Variants in ADAMTS17 observed in about 807,000 individuals in gnomAD.
ADAMTS17 encodes the protein A disintegrin and metalloproteinase with thrombospondin motifs 17.
Under a neutral mutation model 141.5 loss-of-function variants are expected in ADAMTS17, and 113 were observed. That is an observed-to-expected ratio of 0.80 (90% confidence interval 0.69 to 0.93). The LOEUF (loss-of-function observed/expected upper bound fraction) is 0.93. ADAMTS17 is among the 40% of genes least tolerant of loss of function. The probability of loss-of-function intolerance (pLI) is 0.00; values close to 1 mark genes in which losing one functional copy is unlikely to be tolerated. For synonymous variants in ADAMTS17, 768 were observed against 630.6 expected (o/e 1.22, Z -3.27); for missense variants, 1,659 against 1,517.9 (o/e 1.09, Z -1.54).
chr15:100,201,823 T>A lies in ADAMTS17; in HGVS notation c.1076-2400A>T, dbSNP rs4516211. ...TTTCTCGGTGCCTTCAAGGTCATTA[T>A]TCTGGGTTTTGTTTAAAAATGTTTT... is the stretch of plus-strand genomic sequence containing the variant. On this transcript the variant is annotated intron_variant, in intron 7 of 21. Transcript: ENST00000268070. 1.8e-4 allele frequency among the ~76,000 whole-genome samples: 27 copies of A among 152,130 alleles called. No individual in the cohort carries two copies. In the South Asian group the frequency reaches 5.6e-3, roughly 32 times the overall value.
rs116003761 is a variant in ADAMTS17 at position 100,201,583 on chromosome 15, G to A, written c.1076-2160C>T. Among the ~76,000 whole-genome samples, 1,067 of 152,322 alleles carry A rather than the reference G, an allele frequency of 7.0e-3. 18 individuals carry two copies. Among genetic ancestry groups the A allele is most frequent in the African/African-American group, 0.024 (984 of 41,568 alleles). ...ACATGGCCTGGCTCCGCAGAGGTGC[G>A]GCTCCAGGGCTCATGTTTCACACAC... On this transcript the variant is annotated intron_variant, in intron 7 of 21. Coordinates refer to ENST00000268070, the MANE Select transcript of ADAMTS17 (RefSeq NM_139057.4).
At chr15:100,152,298 T>C (rs549051912) in intron 10 of ADAMTS17, among the ~76,000 whole-genome samples, 2 of 152,168 alleles carry the variant, frequency 1.3e-5, no homozygotes, top group African/African-American at 4.8e-5. Context: ...CCAGAGTCAG[T>C]AGTAACCCTG....
rs73480013 is a variant in ADAMTS17 at position 100,240,070 on chromosome 15, G to A, written c.1075+14066C>T. ...TCAGTGAGCCTGCTCCACGTGTACC[G>A]GGATCAGCATGGGGGGATCCAATCA... On this transcript the variant is annotated intron_variant, in intron 7 of 21. Transcript: ENST00000268070. Among the ~76,000 whole-genome samples, 941 of 152,250 alleles carry A rather than the reference G, an allele frequency of 6.2e-3. 11 individuals are homozygous for A. Among genetic ancestry groups the A allele is most frequent in the Middle Eastern group, 0.02 (6 of 294 alleles).
chr15:100,228,730 T>C (rs965635839), intron 7 of ADAMTS17, among the ~76,000 whole-genome samples: 3 of 151,870 alleles, frequency 2.0e-5, no homozygotes, highest in Admixed American at 2.0e-4. Context: ...CCATGCAGAG[T>C]GAGGTCTGCC....
chr15:100,058,321 C>CT (rs67154425), intron 15 of ADAMTS17, among the ~76,000 whole-genome samples: 13 of 16,908 alleles, frequency 7.7e-4, no homozygotes, highest in Middle Eastern at 0.029. Context: ...TATCCCGGCT[C>CT]TAACACCCCT....
chr15:100,327,121 A>C (rs1323719530), intron 3 of ADAMTS17, among the ~76,000 whole-genome samples: 1 of 152,172 alleles, frequency 6.6e-6, no homozygotes, highest in Non-Finnish European at 1.5e-5. Flanking sequence ...AATAACTCCC[A>C]CAAGCTTAGC....
At chr15:100,229,903 A>G (rs1006493380) in intron 7 of ADAMTS17, among the ~76,000 whole-genome samples, 24 of 152,348 alleles carry the variant, frequency 1.6e-4, no homozygotes, top group African/African-American at 5.5e-4. Flanking sequence ...GACCAGCAGG[A>G]AATTGCCACA....
chr15:100,154,976 T>A (rs867276729), intron 9 of ADAMTS17, among the ~76,000 whole-genome samples: 17 of 152,348 alleles, frequency 1.1e-4, no homozygotes, highest in Middle Eastern at 3.4e-3. Context: ...GATCACCCAC[T>A]GTGCGCCCAT....
At chr15:100,125,388 A>T (rs1470096432) in intron 12 of ADAMTS17, among the ~76,000 whole-genome samples, 1 of 152,234 alleles carries the variant, frequency 6.6e-6, no homozygotes, top group East Asian at 1.9e-4. Context: ...CTGTGGAAGC[A>T]AAAACCAGTT....
At chr15:100,117,116 G>T in intron 12 of ADAMTS17, 103 bp from the exon 13 acceptor site, 1 of 1,420,674 alleles carries the variant, frequency 7.0e-7, no homozygotes, top group East Asian at 2.5e-5. Flanking sequence ...AGGGGGCAGG[G>T]CAAGGTTTCC....
rs141750385 is a variant in ADAMTS17 at position 100,066,019 on chromosome 15, T to C, written c.2138-11965A>G. Among the ~76,000 whole-genome samples, 1,009 of 152,338 alleles carry C rather than the reference T, an allele frequency of 6.6e-3. 9 individuals carry two copies. Among genetic ancestry groups the C allele is most frequent in the Non-Finnish European group, 8.1e-3 (552 of 68,034 alleles). The stretch of plus-strand genomic sequence containing the variant: ...TGTTAGTTTGCTGAAAATGATGGTT[T>C]CCAGCTTCATCCATGTGACTGCAAA... On this transcript the variant is annotated intron_variant, in intron 15 of 21. Coordinates refer to ENST00000268070, the MANE Select transcript of ADAMTS17 (RefSeq NM_139057.4).
chr15:100,214,797 C>T (rs879641027), intron 7 of ADAMTS17, among the ~76,000 whole-genome samples: 5 of 152,192 alleles, frequency 3.3e-5, no homozygotes, highest in Non-Finnish European at 7.3e-5. Context: ...CATCCCAATT[C>T]CAAATACGCA....
At chr15:100,266,610 G>A (rs944777676) in intron 4 of ADAMTS17, among the ~76,000 whole-genome samples, 2 of 152,132 alleles carry the variant, frequency 1.3e-5, no homozygotes, top group African/African-American at 4.8e-5. Flanking sequence ...GCTTCTCACT[G>A]TGCCCCCATC....
chr15:100,189,833 T>C (rs1223408857), intron 8 of ADAMTS17, among the ~76,000 whole-genome samples: 1 of 152,222 alleles, frequency 6.6e-6, no homozygotes, highest in Admixed American at 6.5e-5. Flanking sequence ...GGGAAAGCCG[T>C]GGCCAAGGTG....
chr15:100,337,297 T>G (rs1163913328), intron 2 of ADAMTS17, among the ~76,000 whole-genome samples: 2 of 152,228 alleles, frequency 1.3e-5, no homozygotes, highest in Non-Finnish European at 2.9e-5. Context: ...GTGCCACAAA[T>G]GACGTGCTAC....
Position 100,302,065 on chromosome 15 carries a change from T to G in ADAMTS17, c.617-20664A>C, listed in dbSNP as rs2141820047. 1.3e-5 allele frequency among the ~76,000 whole-genome samples: 2 copies of G among 152,330 alleles called. 1 individual carries two copies. The highest frequency in any genetic ancestry group is 4.1e-4 in the South Asian group (2 of 4,828). On this transcript the variant is annotated intron_variant, in intron 3 of 21. Coordinates refer to ENST00000268070, the MANE Select transcript of ADAMTS17 (RefSeq NM_139057.4). ...ACCCCATAACCCCCTGCAATCACTT[T>G]CCATTTTCCTCTGTCCTTCCCCACC...
intron 3 of ADAMTS17, among the ~76,000 whole-genome samples, chr15:100,327,893 T>G (rs143079110): frequency 1.1e-3 from 175 of 152,322 alleles, no homozygotes; most frequent in African/African-American, 3.8e-3. Flanking sequence ...AGTTCCCAGA[T>G]GGCCTTTGCC....
intron 15 of ADAMTS17, among the ~76,000 whole-genome samples, chr15:100,079,123 C>T (rs11853411): frequency 0.019 from 2,870 of 152,118 alleles, 90 homozygotes; most frequent in African/African-American, 0.064. Context: ...AAAGTGGTGC[C>T]GCCACTTTGG....
At chr15:100,039,969 T>A (rs111322193) in intron 18 of ADAMTS17, among the ~76,000 whole-genome samples, 1 of 152,162 alleles carries the variant, frequency 6.6e-6, no homozygotes, top group Non-Finnish European at 1.5e-5. Context: ...ATTCTAGTAG[T>A]TTTTTTAAAA....
Sources: allele counts gnomAD v4.1 joint callset (sites outside exome capture counted in the v4.1 genomes callset), GRCh38; gene constraint gnomAD v4.1.1; transcripts MANE v1.5; gene names NCBI Gene and HGNC (gene_info 2026-07-23, HGNC 2026-07-21).